Variants in GZMA observed in about 807,000 individuals in gnomAD.
GZMA encodes CTL tryptase.
In GZMA, 17 loss-of-function variants were observed where a neutral mutation model predicts 21.1. The observed-to-expected ratio is 0.81, with a 90% CI of 0.55 to 1.21. GZMA has a LOEUF of 1.21. Among genes scored for constraint, GZMA ranks in the 50% most tolerant of loss-of-function variants. The pLI is 0.00. For synonymous variants in GZMA, 90 were observed against 107.8 expected (o/e 0.83, Z 1.03); for missense variants, 306 against 315.9 (o/e 0.97, Z 0.24).
chr5:55,105,992 T>A (rs1353929563), intron 2 of GZMA, among the ~76,000 whole-genome samples: 8 of 242 alleles, frequency 0.033, 1 homozygote, highest in African/African-American at 0.047. Context: ...TAAAATAAAA[T>A]AAATAAAATA....
chr5:55,105,792 G>A (rs1382137179), intron 2 of GZMA, among the ~76,000 whole-genome samples, 174 bp downstream of exon 2: 1 of 151,890 alleles, frequency 6.6e-6, no homozygotes, highest in Non-Finnish European at 1.5e-5. Context: ...GGCCAACATG[G>A]TGAAACCCCA....
At position 55,106,289 on chromosome 5, in the gene GZMA, A is replaced by AAT. The variant is rs1742414150; in HGVS notation, c.215+673_215+674dup. On this transcript the variant is annotated intron_variant, in intron 2 of 4. Coordinates refer to ENST00000274306, the MANE Select transcript of GZMA (RefSeq NM_006144.4). ...AATAAAATAAAATAAAATAAAATAAAATAAAATAAAATATAAAATAAAATA... is the reference window on the plus strand; with the variant it reads ...AATAAAATAAAATAAAATAAAATAAAATATAAAATAAAATATAAAATAAAATA... 1.6e-4 allele frequency among the ~76,000 whole-genome samples: 2 copies of AAT among 12,606 alleles called. 1 individual carries two copies. The highest frequency in any genetic ancestry group is 2.7e-4 in the African/African-American group (2 of 7,298). 8.3% of individuals were successfully genotyped at this position (12,606 alleles called of 152,430 possible). A position where few individuals can be genotyped will look rare whatever the true frequency, so the allele number is the denominator to read the frequency against.
chr5:55,102,859 C>T (rs546338861), intron 1 of GZMA, 107 bp downstream of exon 1: 2 of 762,392 alleles, frequency 2.6e-6, no homozygotes, highest in Non-Finnish European at 4.7e-6. Context: ...AAGATGTTTT[C>T]CCCCAAGCCT....
At position 55,108,374 on chromosome 5, in the gene GZMA, GGTGGAAGAGA is replaced by G. The variant is rs1561280951; in HGVS notation, c.608_617del (p.Gly203AlafsTer49). On this transcript the variant is annotated frameshift_variant, in exon 4 of 5. Coordinates refer to ENST00000274306, the MANE Select transcript of GZMA (RefSeq NM_006144.4). LOFTEE classifies it low-confidence loss of function (END_TRUNC). ...TATGGTTTGTGCTGGAAGCCTCCGAGGTGGAAGAGACTCGTGCAATGTAAGTAAAATAAGA... is the reference window on the plus strand; with the variant it reads ...TATGGTTTGTGCTGGAAGCCTCCGAGCTCGTGCAATGTAAGTAAAATAAGA... The G allele has an allele frequency of 6.2e-7, 1 of 1,612,910 alleles. No individual in the cohort carries two copies. Among genetic ancestry groups the G allele is most frequent in the Non-Finnish European group, 8.5e-7 (1 of 1,178,978 alleles).
chr5:55,104,324 T>C (rs1390510562), intron 1 of GZMA, among the ~76,000 whole-genome samples: 1 of 152,066 alleles, frequency 6.6e-6, no homozygotes, highest in African/African-American at 2.4e-5. Context: ...CCTAGGAAAA[T>C]TGGGATTGGG....
At chr5:55,108,892 T>C (rs1386135028) in intron 4 of GZMA, among the ~76,000 whole-genome samples, 3 of 152,190 alleles carry the variant, frequency 2.0e-5, no homozygotes, top group Admixed American at 1.3e-4. Flanking sequence ...TAGAGCTTAG[T>C]TTAATCTGCA....
intron 4 of GZMA, among the ~76,000 whole-genome samples, chr5:55,108,595 T>C (rs1226603805): frequency 6.6e-6 from 1 of 152,232 alleles, no homozygotes; most frequent in Non-Finnish European, 1.5e-5. Flanking sequence ...AGAAGTTCAC[T>C]GCTAGTGCAT....
intron 4 of GZMA, among the ~76,000 whole-genome samples, chr5:55,108,825 T>C (rs1742457335): frequency 6.6e-6 from 1 of 152,162 alleles, no homozygotes; most frequent in Admixed American, 6.5e-5. Flanking sequence ...AACATCGGCA[T>C]GTCTGAAATG....
intron 2 of GZMA, among the ~76,000 whole-genome samples, chr5:55,106,267 A>T (rs1259130643): frequency 3.2e-4 from 3 of 9,284 alleles, no homozygotes; most frequent in African/African-American, 6.4e-4. Flanking sequence ...TAAAATAAAT[A>T]AAATAAAATA....
chr5:55,108,375 G>A lies in GZMA; in HGVS notation c.608G>A (p.Gly203Asp). The A allele has an allele frequency of 3.1e-6, 5 of 1,612,790 alleles. No individual in the cohort carries two copies. Among genetic ancestry groups the A allele is most frequent in the Non-Finnish European group, 4.2e-6 (5 of 1,178,876 alleles). ...ATGGTTTGTGCTGGAAGCCTCCGAG[G>A]TGGAAGAGACTCGTGCAATGTAAGT... Reference protein sequence around the residue: ...MNMVCAGSLRGGRDSCNGDSG... With the variant: ...MNMVCAGSLRDGRDSCNGDSG... The change falls in exon 4 of 5, where the codon GGT (glycine) becomes GAT (aspartate). Residue 203 changes from glycine (G) to aspartate (D), a missense_variant. Gly to Asp is a moderately conservative substitution (Grantham distance 94). Transcript: ENST00000274306.
At position 55,105,570 on chromosome 5, in the gene GZMA, G is replaced by A. The variant is rs560168633; in HGVS notation, c.167G>A (p.Gly56Glu). ...CTTGACAGAAAAACCATCTGTGCTG[G>A]GGCTTTGATTGCAAAAGACTGGGTG... ...LSLDRKTICA[G>E]ALIAKDWVLT... The change falls in exon 2 of 5, where the codon GGG becomes GAG. Residue 56 changes from glycine to glutamate, a missense_variant. Gly to Glu is a moderately conservative substitution (Grantham distance 98). Transcript: ENST00000274306. The A allele has an allele frequency of 5.6e-6, 9 of 1,613,684 alleles. No individual in the cohort carries two copies. In the Admixed American group the frequency reaches 1.5e-4, roughly 27 times the overall value.
chr5:55,105,296 A>G (rs1580327619), intron 1 of GZMA, among the ~76,000 whole-genome samples, 178 bp from the exon 2 acceptor site: 1 of 152,212 alleles, frequency 6.6e-6, no homozygotes, highest in African/African-American at 2.4e-5. Flanking sequence ...CTAGAGTCCA[A>G]CAGGAATAGG....
intron 1 of GZMA, among the ~76,000 whole-genome samples, chr5:55,103,629 G>A (rs1052672896): frequency 6.6e-6 from 1 of 152,134 alleles, no homozygotes; most frequent in Non-Finnish European, 1.5e-5. Context: ...AGCCAGCCAC[G>A]GTTTTTCCCA....
chr5:55,104,689 TTC>T (rs139609390), intron 1 of GZMA, among the ~76,000 whole-genome samples: 276 of 152,238 alleles, frequency 1.8e-3, no homozygotes, highest in African/African-American at 6.3e-3. Flanking sequence ...AGACATAAGG[TTC>T]TCTCTATCTG....
rs146248117 is a variant in GZMA at position 55,110,059 on chromosome 5, C to T, written c.666C>T (p.Phe222=). Residue 222 remains phenylalanine (F), a synonymous_variant, in exon 5 of 5, where the codon TTC becomes TTT. Transcript: ENST00000274306. ...GCCCTTTGTTGTGCGAGGGTGTTTT[C>T]CGAGGGGTCACTTCCTTTGGCCTTG... ...SGSPLLCEGV[F]RGVTSFGLEN... 5.0e-6 allele frequency: 8 copies of T among 1,612,240 alleles called. No homozygotes were observed. Among genetic ancestry groups the T allele is most frequent in the South Asian group, 3.3e-5 (3 of 90,784 alleles).
chr5:55,102,681 C>A lies in GZMA; in HGVS notation c.-2C>A. 2 of 1,598,574 alleles carry A rather than the reference C, an allele frequency of 1.3e-6. No homozygotes were observed. Among genetic ancestry groups the A allele is most frequent in the Non-Finnish European group, 1.7e-6 (2 of 1,165,868 alleles). On this transcript the variant is annotated 5_prime_UTR_variant, in exon 1 of 5. Transcript: ENST00000274306. ...GTTGATTGATGTGGGACAGCAGCCA[C>A]AATGAGGAACTCCTATAGATTTCTG...
intron 2 of GZMA, 27 bp from the exon 3 acceptor site, chr5:55,107,767 A>G: frequency 6.3e-7 from 1 of 1,596,442 alleles, no homozygotes. Flanking sequence ...GAATAAATCC[A>G]GTAAATAATG....
intron 4 of GZMA, 146 bp from the exon 5 acceptor site, chr5:55,109,875 A>T: frequency 2.2e-6 from 1 of 458,126 alleles, no homozygotes; most frequent in South Asian, 9.9e-5. Flanking sequence ...ATTTCCAAAC[A>T]TTTTAATTTT....
In GZMA at chr5:55,108,396, T is replaced by G. The variant is rs758950311; in HGVS notation, c.627+2T>G. 1 of 1,603,566 alleles carries G rather than the reference T, an allele frequency of 6.2e-7. No individual in the cohort carries two copies. Among genetic ancestry groups the G allele is most frequent in the Non-Finnish European group, 8.5e-7 (1 of 1,172,316 alleles). On this transcript the variant is annotated splice_donor_variant, in intron 4 of 4. Transcript: ENST00000274306. LOFTEE classifies it high-confidence loss of function. ...CGAGGTGGAAGAGACTCGTGCAATGTAAGTAAAATAAGATCCCACGTTTCA... is the reference window on the plus strand; with the variant it reads ...CGAGGTGGAAGAGACTCGTGCAATGGAAGTAAAATAAGATCCCACGTTTCA...
Sources: allele counts gnomAD v4.1 joint callset (sites outside exome capture counted in the v4.1 genomes callset), GRCh38; gene constraint gnomAD v4.1.1; transcripts MANE v1.5; gene names NCBI Gene and HGNC (gene_info 2026-07-23, HGNC 2026-07-21).